The following H2AJ variants were observed in gnomAD, a reference collection of about 807,000 sequenced individuals.
H2AJ encodes histone H2A.J.
In H2AJ, 3 loss-of-function variants were observed where a neutral mutation model predicts 7.9. The observed-to-expected ratio is 0.38, with a 90% CI of 0.17 to 0.98. H2AJ has a LOEUF of 0.98. H2AJ is among the 50% of genes least tolerant of loss of function. The probability of loss-of-function intolerance (pLI) is 0.39; values close to 1 mark genes in which losing one functional copy is unlikely to be tolerated. For synonymous variants in H2AJ, 98 were observed against 85.7 expected, an observed-to-expected ratio of 1.14 and a Z score of -0.79; for missense variants, 128 against 174.4, an observed-to-expected ratio of 0.73 and a Z score of 1.50.
At chr12:14,775,323 C>G (rs758178040), downstream of H2AJ, 4 of 471,554 alleles carry the variant, frequency 8.5e-6, no homozygotes, top group African/African-American at 8.0e-5. Flanking sequence ...TGTGAGCACT[C>G]AGGACCAAGT....
At position 14,774,554 on chromosome 12, in the gene H2AJ, G is replaced by A. The variant is rs2137212277; in HGVS notation, c.84G>A (p.Val28=). Residue 28 remains valine (V), a synonymous_variant, in exon 1 of 1, where the codon GTG becomes GTA. Transcript: ENST00000544848. ...CCCGCGCGGGCCTGCAGTTCCCGGT[G>A]GGCCGAGTGCACAGACTGCTGCGCA... ...RSSRAGLQFP[V]GRVHRLLRKG... is the part of the protein sequence containing the mutation. 1 of 1,613,486 alleles carries A rather than the reference G, an allele frequency of 6.2e-7. No individual in the cohort carries two copies. Among genetic ancestry groups the A allele is most frequent in the East Asian group, 2.2e-5 (1 of 44,864 alleles).
chr12:14,776,703 T>G (rs1415514886), downstream of H2AJ: 4 of 167,190 alleles, frequency 2.4e-5, no homozygotes, highest in Admixed American at 1.3e-4. Flanking sequence ...TTAATAGGAC[T>G]TTTTAAAAAA....
At chr12:14,775,980 G>A (rs2137215216), downstream of H2AJ, 1 of 167,238 alleles carries the variant, frequency 6.0e-6, no homozygotes, top group East Asian at 1.9e-4. Context: ...ACATTGAAAA[G>A]TTAACACTAG....
chr12:14,775,626 G>T (rs972332670), downstream of H2AJ: 1 of 348,154 alleles, frequency 2.9e-6, no homozygotes, highest in Non-Finnish European at 5.9e-6. Context: ...ACATTGCAGC[G>T]CCTTTAGTCG....
At chr12:14,777,960 A>G (rs1291979615), downstream of H2AJ, 1 of 167,092 alleles carries the variant, frequency 6.0e-6, no homozygotes, top group Non-Finnish European at 1.5e-5. Context: ...CCACAATTCA[A>G]TGTATAACAG....
chr12:14,775,177 G>T (rs550463248), downstream of H2AJ: 10 of 486,672 alleles, frequency 2.1e-5, no homozygotes, highest in East Asian at 3.5e-4. Context: ...CGTCAGGGGA[G>T]GGTGGCCTGG....
downstream of H2AJ, chr12:14,775,261 T>C (rs66661591): frequency 0.18 from 84,639 of 476,836 alleles, 8,186 homozygotes; most frequent in Middle Eastern, 0.22. Flanking sequence ...TGAGGCCTCC[T>C]TCGGAATTAT....
downstream of H2AJ, chr12:14,775,231 G>A (rs868107831): frequency 2.9e-5 from 14 of 486,208 alleles, no homozygotes; most frequent in Middle Eastern, 9.0e-4. Flanking sequence ...TAGGGCAAAG[G>A]GGAGGCAGAG....
At chr12:14,775,613 A>G, downstream of H2AJ, 1 of 363,758 alleles carries the variant, frequency 2.7e-6, no homozygotes, top group Non-Finnish European at 5.7e-6. Context: ...GTCATATTGC[A>G]TAACATTGCA....
downstream of H2AJ, chr12:14,775,474 G>GT: frequency 4.2e-6 from 2 of 470,606 alleles, no homozygotes; most frequent in Non-Finnish European, 8.8e-6. Context: ...TCCTAGCCTA[G>GT]TAGCTGCTGT....
At chr12:14,777,327 C>T (rs973583883), downstream of H2AJ, 13 of 166,746 alleles carry the variant, frequency 7.8e-5, no homozygotes, top group African/African-American at 3.1e-4. Flanking sequence ...GTTTTATTTA[C>T]ACACAAACAC....
In H2AJ at chr12:14,774,813, G is replaced by A; in HGVS notation, c.343G>A (p.Val115Met). The change falls in exon 1 of 1, where the codon GTG (valine) becomes ATG (methionine). Residue 115 changes from valine (V) to methionine (M), a missense_variant. Coordinates refer to ENST00000544848, the MANE Select transcript of H2AJ (RefSeq NM_177925.5). ...QGGVLPNIQA[V>M]LLPKKTESQK... The stretch of plus-strand genomic sequence containing the variant: ...CGGCGTCCTGCCCAACATCCAGGCC[G>A]TGCTGCTGCCCAAGAAGACGGAGAG... The A allele has an allele frequency of 6.2e-7, 1 of 1,614,242 alleles. No homozygotes were observed. The highest frequency in any genetic ancestry group is 1.1e-5 in the South Asian group (1 of 91,088).
At position 14,774,735 on chromosome 12, in the gene H2AJ, C is replaced by T. The variant is rs1465430209; in HGVS notation, c.265C>T (p.Arg89Cys). 1.9e-6 allele frequency: 3 copies of T among 1,614,088 alleles called. No individual in the cohort carries two copies. The highest frequency in any genetic ancestry group is 2.5e-6 in the Non-Finnish European group (3 of 1,180,048). ...TCCCCGCCACCTGCAGCTCGCCATC[C>T]GCAACGACGAGGAGTTAAACAAGCT... Reference protein sequence around the residue: ...IIPRHLQLAIRNDEELNKLLG... With the variant: ...IIPRHLQLAICNDEELNKLLG... Residue 89 changes from arginine to cysteine, a missense_variant, in exon 1 of 1, where the codon CGC becomes TGC. Arg to Cys is a radical substitution (Grantham distance 180, BLOSUM62 -3). Coordinates refer to ENST00000544848, the MANE Select transcript of H2AJ (RefSeq NM_177925.5).
downstream of H2AJ, chr12:14,777,552 G>C (rs1267208434): frequency 6.0e-6 from 1 of 167,020 alleles, no homozygotes; most frequent in Non-Finnish European, 1.5e-5. Flanking sequence ...ACTTCACAAT[G>C]CCCCTTCCAG....
chr12:14,774,797 G>A lies in H2AJ; in HGVS notation c.327G>A (p.Leu109=). ...TGACCATCGCTCAGGGCGGCGTCCT[G>A]CCCAACATCCAGGCCGTGCTGCTGC... ...GKVTIAQGGV[L]PNIQAVLLPK... Residue 109 remains leucine (L), a synonymous_variant, in exon 1 of 1, where the codon CTG becomes CTA. Coordinates refer to ENST00000544848, the MANE Select transcript of H2AJ (RefSeq NM_177925.5). 1 of 1,614,224 alleles carries A rather than the reference G, an allele frequency of 6.2e-7. No homozygotes were observed. Among genetic ancestry groups the A allele is most frequent in the Non-Finnish European group, 8.5e-7 (1 of 1,180,028 alleles).
At chr12:14,775,042 T>TGTA (rs1213548000), downstream of H2AJ, 5 of 731,618 alleles carry the variant, frequency 6.8e-6, no homozygotes, top group African/African-American at 1.8e-5. Flanking sequence ...GAGAGAGCTG[T>TGTA]GTAGTCGCGG....
rs1446562806 is a variant in H2AJ at position 14,774,515 on chromosome 12, CA to C, written c.48del (p.Lys16AsnfsTer64). The C allele has an allele frequency of 6.2e-7, 1 of 1,603,022 alleles. No individual in the cohort carries two copies. Among genetic ancestry groups the C allele is most frequent in the Non-Finnish European group, 8.5e-7 (1 of 1,175,364 alleles). Reference sequence around the variant, plus strand: ...AGGGCGGCAAAGTGCGAGCAAAGGCCAAATCCCGCTCCTCCCGCGCGGGCCT... The same window carrying C: ...AGGGCGGCAAAGTGCGAGCAAAGGCCAATCCCGCTCCTCCCGCGCGGGCCT... ...KQGGKVRAKA[K>X]SRSSRAGLQF... On this transcript the variant is annotated frameshift_variant, in exon 1 of 1. Transcript: ENST00000544848. LOFTEE classifies it high-confidence loss of function.
At chr12:14,775,548 A>C, downstream of H2AJ, 1 of 382,934 alleles carries the variant, frequency 2.6e-6, no homozygotes, top group Admixed American at 3.4e-5. Context: ...TTTTTTTTTA[A>C]TGAAGGAAAC....
downstream of H2AJ, chr12:14,775,814 T>C (rs1949631762): frequency 5.0e-6 from 1 of 199,918 alleles, no homozygotes; most frequent in Non-Finnish European, 1.1e-5. Context: ...TGAACTCTCT[T>C]ATATTCTCCC....
Sources: allele counts gnomAD v4.1 joint callset, GRCh38; gene constraint gnomAD v4.1.1; transcripts MANE v1.5; gene names NCBI Gene and HGNC (gene_info 2026-07-23, HGNC 2026-07-21).